Variants in ASIC2 observed in about 807,000 individuals in gnomAD.
ASIC2 encodes the protein acid-sensing ion channel 2.
ASIC2 carries 25 observed loss-of-function variants against 57.3 expected under a neutral mutation model. That is an observed-to-expected ratio of 0.44 (90% CI 0.32 to 0.61). The LOEUF (loss-of-function observed/expected upper bound fraction) is 0.61, where lower values mean the gene tolerates loss of function less well. ASIC2 is among the 20% of genes least tolerant of loss of function. The probability of loss-of-function intolerance (pLI) is 0.06; values close to 1 mark genes in which losing one functional copy is unlikely to be tolerated. For missense variants in ASIC2, 641 were observed against 738.1 expected, an observed-to-expected ratio of 0.87 and a Z score of 1.52; for synonymous variants, 319 against 307.5, an observed-to-expected ratio of 1.04 and a Z score of -0.39.
chr17:33,818,386 G>A (rs563146954), intron 1 of ASIC2, among the ~76,000 whole-genome samples: 5 of 152,106 alleles, frequency 3.3e-5, no homozygotes, highest in Admixed American at 6.5e-5. Context: ...GCAACTCTGC[G>A]AAGTAGGTAC....
At chr17:34,026,206 A>G (rs918810700) in intron 1 of ASIC2, among the ~76,000 whole-genome samples, 3 of 152,312 alleles carry the variant, frequency 2.0e-5, no homozygotes, top group African/African-American at 7.2e-5. Flanking sequence ...TTTCTCAGCC[A>G]CCTTCACCCC....
intron 1 of ASIC2, among the ~76,000 whole-genome samples, chr17:34,052,574 C>G (rs1462392030): frequency 6.6e-6 from 1 of 151,880 alleles, no homozygotes; most frequent in African/African-American, 2.4e-5. Context: ...CACAACTGCT[C>G]TGTCTTCCTC....
chr17:33,885,659 T>C (rs868454012), intron 1 of ASIC2, among the ~76,000 whole-genome samples: 1 of 152,198 alleles, frequency 6.6e-6, no homozygotes, highest in African/African-American at 2.4e-5. Flanking sequence ...CTCAAAAATA[T>C]GCTATTCTTC....
At chr17:33,064,832 CT>C (rs1285254455) in intron 3 of ASIC2, among the ~76,000 whole-genome samples, 1 of 152,226 alleles carries the variant, frequency 6.6e-6, no homozygotes, top group Non-Finnish European at 1.5e-5. Context: ...CTCAGTATGT[CT>C]TTTGGTGGTC....
intron 1 of ASIC2, among the ~76,000 whole-genome samples, chr17:33,508,923 T>C (rs951109499): frequency 6.6e-5 from 10 of 152,182 alleles, no homozygotes; most frequent in African/African-American, 2.2e-4. Context: ...TGGAGTTCAG[T>C]TGACAAACTG....
chr17:33,609,918 G>C (rs958560418), intron 1 of ASIC2, among the ~76,000 whole-genome samples: 1 of 152,084 alleles, frequency 6.6e-6, no homozygotes, highest in East Asian at 1.9e-4. Flanking sequence ...AAGAACCAGA[G>C]TCTCTCTAGC....
At chr17:34,033,710 C>T (rs1015193489) in intron 1 of ASIC2, among the ~76,000 whole-genome samples, 1 of 152,150 alleles carries the variant, frequency 6.6e-6, no homozygotes, top group African/African-American at 2.4e-5. Flanking sequence ...GAAATACAAA[C>T]TACCATCAGA....
rs970986829 is a variant in ASIC2, at chr17:33,517,598, G to C, written c.556-405531C>G. ...TAACTGGGGTTGGAGAATCTACTCTGAGGGTCAATGCACACAAGTGAGAGA... is the reference window on the plus strand; with the variant it reads ...TAACTGGGGTTGGAGAATCTACTCTCAGGGTCAATGCACACAAGTGAGAGA... On this transcript the variant is annotated intron_variant, in intron 1 of 9. Coordinates refer to the ASIC2 transcript ENST00000359872. Among the ~76,000 whole-genome samples the C allele has an allele frequency of 2.7e-5, 4 of 150,730 alleles. No individual in the cohort carries two copies. In the Admixed American group the frequency reaches 2.7e-4, roughly 10 times the overall value.
intron 1 of ASIC2, among the ~76,000 whole-genome samples, chr17:33,753,591 C>T (rs1910499859): frequency 6.6e-6 from 1 of 152,200 alleles, no homozygotes; most frequent in South Asian, 2.1e-4. Context: ...GACTCCAGTG[C>T]AGCCGTGTGG....
chr17:33,620,686 G>A (rs1476699851), intron 1 of ASIC2, among the ~76,000 whole-genome samples: 1 of 152,112 alleles, frequency 6.6e-6, no homozygotes, highest in Non-Finnish European at 1.5e-5. Flanking sequence ...TTCATCTGTA[G>A]CCTTCTTGTT....
At chr17:33,671,856 A>T (rs1484672589) in intron 1 of ASIC2, among the ~76,000 whole-genome samples, 1 of 152,166 alleles carries the variant, frequency 6.6e-6, no homozygotes, top group Non-Finnish European at 1.5e-5. Flanking sequence ...TTTAACGCTA[A>T]TGAAACAGAA....
chr17:33,452,738 G>GGTGTGGGTGT (rs1555535326), intron 1 of ASIC2, among the ~76,000 whole-genome samples: 1 of 140,408 alleles, frequency 7.1e-6, no homozygotes, highest in Non-Finnish European at 1.5e-5. Context: ...AACAGAGTGG[G>GGTGTGGGTGT]GTGTGTGTGT....
chr17:33,389,670 A>G (rs1909820314), intron 1 of ASIC2, among the ~76,000 whole-genome samples: 1 of 152,234 alleles, frequency 6.6e-6, no homozygotes, highest in African/African-American at 2.4e-5. Flanking sequence ...GGAAAGATCA[A>G]GGAAGAGATT....
chr17:33,781,028 C>G (rs1296053369), intron 1 of ASIC2, among the ~76,000 whole-genome samples: 1 of 152,168 alleles, frequency 6.6e-6, no homozygotes, highest in Non-Finnish European at 1.5e-5. Context: ...AATGAGCATG[C>G]AGAGGCATGA....
intron 1 of ASIC2, among the ~76,000 whole-genome samples, chr17:33,817,878 G>A (rs1007649765): frequency 9.2e-5 from 14 of 152,140 alleles, no homozygotes; most frequent in Admixed American, 3.9e-4. Context: ...CACATATCTG[G>A]CAGCCAAGGC....
intron 1 of ASIC2, among the ~76,000 whole-genome samples, chr17:33,885,302 T>C (rs139585065): frequency 1.4e-3 from 217 of 152,288 alleles, no homozygotes; most frequent in African/African-American, 4.9e-3. Context: ...ACAAAAATAG[T>C]ACTTACCTCA....
At position 33,818,450 on chromosome 17, in the gene ASIC2, A is replaced by G. The variant is rs571284456; in HGVS notation, c.555+337528T>C. Among the ~76,000 whole-genome samples, 21 of 152,320 alleles carry G rather than the reference A, an allele frequency of 1.4e-4. No homozygotes were observed. In the South Asian group the frequency reaches 4.3e-3, roughly 32 times the overall value. ...CATGGTTCAGAAGCCAGCTCAGGTC[A>G]TACAATAGTGAGTTACAGGTCTGGA... is the stretch of plus-strand genomic sequence containing the variant. On this transcript the variant is annotated intron_variant, in intron 1 of 9. Coordinates refer to the ASIC2 transcript ENST00000359872.
intron 1 of ASIC2, among the ~76,000 whole-genome samples, chr17:33,664,027 C>T (rs558993465): frequency 1.3e-5 from 2 of 152,258 alleles, no homozygotes; most frequent in South Asian, 2.1e-4. Context: ...ATTTTCCAAG[C>T]ACCTCCTTTG....
At chr17:33,880,593 T>G (rs995260835) in intron 1 of ASIC2, among the ~76,000 whole-genome samples, 9 of 151,964 alleles carry the variant, frequency 5.9e-5, no homozygotes, top group Non-Finnish European at 7.4e-5. Flanking sequence ...AATAACAGGC[T>G]CTGAAATTGA....
Sources: gnomAD v4.1 joint callset for allele counts (sites outside exome capture counted in the v4.1 genomes callset) on GRCh38, gnomAD v4.1.1 for gene constraint, MANE v1.5 for transcripts, NCBI Gene and HGNC (gene_info 2026-07-23, HGNC 2026-07-21) for gene names.